AGT: variants seen among roughly 807,000 people sequenced by gnomAD.
The protein encoded by AGT is alpha-1 antiproteinase, antitrypsin.
In AGT, 26 loss-of-function variants were observed where a neutral mutation model predicts 28.1. The ratio of observed to expected loss-of-function variants is 0.92; its 90% CI spans 0.68 to 1.28. The LOEUF is 1.28. Among genes scored for constraint, AGT ranks in the 50% most tolerant of loss-of-function variants. The pLI is 0.00. For missense variants in AGT, 596 were observed against 592.3 expected (o/e 1.01, Z -0.06); for synonymous variants, 259 against 259.6 (o/e 1.00, Z 0.02).
upstream of AGT, among the ~76,000 whole-genome samples, chr1:230,714,980 A>T (rs1470018286): frequency 6.6e-6 from 1 of 152,108 alleles, no homozygotes; most frequent in African/African-American, 2.4e-5. Context: ...GCAGGTTGGG[A>T]GTGGTGATGT....
rs377164467 is a variant in AGT at position 230,710,811 on chromosome 1, C to G, written c.13G>C (p.Gly5Arg). 6.2e-7 allele frequency: 1 copy of G among 1,614,008 alleles called. No individual in the cohort carries two copies. Among genetic ancestry groups the G allele is most frequent in the Non-Finnish European group, 8.5e-7 (1 of 1,180,030 alleles). The change falls in exon 2 of 5, where the codon GGT (glycine) becomes CGT (arginine). Residue 5 changes from glycine to arginine, a missense_variant. Transcript: ENST00000366667. ...AGGATGGTGGCCCTCAGGCTCACACCGGCAGGAGCCATCTCAGACTGGGGT... is the reference window on the plus strand; with the variant it reads ...AGGATGGTGGCCCTCAGGCTCACACGGGCAGGAGCCATCTCAGACTGGGGT... MAPA[G>R]VSLRATILCL...
At chr1:230,743,666 C>T (rs1664290211) in intron 1 of AGT, among the ~76,000 whole-genome samples, 1 of 152,214 alleles carries the variant, frequency 6.6e-6, no homozygotes, top group South Asian at 2.1e-4. Context: ...TCTGCAGGAT[C>T]CAGGCTGTTT....
chr1:230,735,596 G>A (rs1664141172), intron 1 of AGT, among the ~76,000 whole-genome samples: 1 of 151,968 alleles, frequency 6.6e-6, no homozygotes, highest in Admixed American at 6.6e-5. Context: ...TCACCTGGTG[G>A]CCCCTCCCTC....
intron 1 of AGT, among the ~76,000 whole-genome samples, chr1:230,743,629 C>G (rs1285395226): frequency 6.6e-6 from 1 of 152,228 alleles, no homozygotes; most frequent in Non-Finnish European, 1.5e-5. Context: ...TGGGCTCACT[C>G]TCAGCCCATC....
intron 1 of AGT, among the ~76,000 whole-genome samples, chr1:230,740,476 CT>C (rs1664228496): frequency 6.6e-6 from 1 of 152,038 alleles, no homozygotes; most frequent in South Asian, 2.1e-4. Context: ...TCTGACAAAC[CT>C]TACAGGATAT....
rs11568041 is a variant in AGT, at chr1:230,706,034, G to T, written c.996C>A (p.Cys332Ter). ...CATAGTGAGGCTGGATCAGCAGCAG[G>T]CAGGCGCTCTCAGTGAAGGGCACTT... ...VTQVPFTESA[C>*]LLLIQPHYAS... Residue 332 changes from cysteine (C) to a stop codon, truncating the protein, a stop_gained, in exon 3 of 5, where the codon TGC (cysteine) becomes TGA (stop). Transcript: ENST00000366667. LOFTEE classifies it high-confidence loss of function. The T allele has an allele frequency of 6.8e-6, 11 of 1,614,144 alleles. No individual in the cohort carries two copies. The highest frequency in any genetic ancestry group is 2.2e-5 in the East Asian group (1 of 44,864).
intron 1 of AGT, among the ~76,000 whole-genome samples, chr1:230,730,147 C>T (rs12732411): frequency 6.6e-6 from 1 of 152,026 alleles, no homozygotes; most frequent in East Asian, 2.0e-4. Context: ...TCTCAAACTC[C>T]TGACCTCAGG....
chr1:230,731,302 T>A (rs1339207206), intron 1 of AGT, among the ~76,000 whole-genome samples: 1 of 152,144 alleles, frequency 6.6e-6, no homozygotes, highest in East Asian at 1.9e-4. Context: ...CCCACAGGCC[T>A]CCCAACCCGA....
At chr1:230,721,159 G>A (rs1190377560) in intron 1 of AGT, among the ~76,000 whole-genome samples, 1 of 152,222 alleles carries the variant, frequency 6.6e-6, no homozygotes, top group African/African-American at 2.4e-5. Context: ...TGACCAATGA[G>A]ACAAACAGAA....
intron 1 of AGT, among the ~76,000 whole-genome samples, chr1:230,712,396 C>T (rs1663618812): frequency 6.6e-6 from 1 of 152,166 alleles, no homozygotes; most frequent in South Asian, 2.1e-4. Context: ...ACCTCAGCTA[C>T]CATCTCACCC....
At chr1:230,714,850 G>T (rs1452695210), upstream of AGT, among the ~76,000 whole-genome samples, 3 of 152,152 alleles carry the variant, frequency 2.0e-5, no homozygotes, top group African/African-American at 7.2e-5. Flanking sequence ...CAGTAAAAGG[G>T]TTATAATTCT....
At chr1:230,714,578 C>T (rs936797427), upstream of AGT, among the ~76,000 whole-genome samples, 8 of 152,220 alleles carry the variant, frequency 5.3e-5, no homozygotes, top group African/African-American at 1.9e-4. Context: ...ACCCTGCTGC[C>T]CGCTCATGGG....
chr1:230,727,056 G>A (rs1018771320), intron 1 of AGT, among the ~76,000 whole-genome samples: 3 of 152,192 alleles, frequency 2.0e-5, no homozygotes, highest in Admixed American at 1.3e-4. Flanking sequence ...TTTCTACACT[G>A]AGGATATGAA....
At chr1:230,739,444 G>C (rs966239821) in intron 1 of AGT, among the ~76,000 whole-genome samples, 2 of 152,126 alleles carry the variant, frequency 1.3e-5, no homozygotes, top group Non-Finnish European at 2.9e-5. Context: ...CCTGAGCAGG[G>C]CATGAGATGG....
upstream of AGT, among the ~76,000 whole-genome samples, chr1:230,719,084 T>A (rs1663794256): frequency 6.6e-6 from 1 of 152,172 alleles, no homozygotes; most frequent in Admixed American, 6.5e-5. Context: ...GTATGCCAAA[T>A]CTTTATCTAT....
intron 1 of AGT, among the ~76,000 whole-genome samples, chr1:230,722,166 G>A (rs1417635998): frequency 6.6e-6 from 1 of 152,238 alleles, no homozygotes; most frequent in Non-Finnish European, 1.5e-5. Context: ...GTACAGCTCA[G>A]GCCATTGCTT....
rs200712921 is a variant in AGT at position 230,704,210 on chromosome 1, G to A, written c.1225C>T (p.Arg409Cys). The change falls in exon 4 of 5, where the codon CGC becomes TGC. Residue 409 changes from arginine (R) to cysteine (C), a missense_variant. Physicochemically the swap from Arg to Cys is radical, Grantham distance 180. Coordinates refer to ENST00000366667, the MANE Select transcript of AGT (RefSeq NM_001384479.1). ...ELNLQKLSND[R>C]IRVGEVLNSI... ...ACACATACCTCCCCCACCCTGATGC[G>A]GTCATTGCTCAATTTTTGCAGGTTC... 2.5e-5 allele frequency: 41 copies of A among 1,614,214 alleles called. 1 individual carries two copies. Among genetic ancestry groups the A allele is most frequent in the Middle Eastern group, 1.6e-4 (1 of 6,062 alleles).
chr1:230,714,870 A>G (rs981712672), upstream of AGT, among the ~76,000 whole-genome samples: 2 of 152,188 alleles, frequency 1.3e-5, no homozygotes, highest in African/African-American at 2.4e-5. Context: ...TTATTTTCCT[A>G]TAGGTAAGAC....
chr1:230,719,088 T>G (rs1203933675), upstream of AGT, among the ~76,000 whole-genome samples: 1 of 152,160 alleles, frequency 6.6e-6, no homozygotes, highest in Non-Finnish European at 1.5e-5. Flanking sequence ...GCCAAATCTT[T>G]ATCTATTCAT....
Sources: allele counts gnomAD v4.1 joint callset (sites outside exome capture counted in the v4.1 genomes callset), GRCh38; gene constraint gnomAD v4.1.1; transcripts MANE v1.5; gene names NCBI Gene and HGNC (gene_info 2026-07-23, HGNC 2026-07-21).